Variants in GPM6B observed in about 807,000 individuals in gnomAD.
GPM6B encodes neuronal membrane glycoprotein M6-b.
GPM6B carries 4 observed loss-of-function variants against 27.2 expected under a neutral mutation model. The observed-to-expected ratio is 0.15, with a 90% CI of 0.07 to 0.34. GPM6B has a LOEUF of 0.34. GPM6B is among the 10% of genes least tolerant of loss of function. The pLI, the probability that GPM6B is intolerant of heterozygous loss-of-function variation, is 1.00. For synonymous variants in GPM6B, 124 were observed against 103.1 expected, an observed-to-expected ratio of 1.20 and a Z score of -1.23; for missense variants, 183 against 261.9, an observed-to-expected ratio of 0.70 and a Z score of 2.08.
In GPM6B at chrX:13,800,688, T is replaced by TTG. The variant is rs1288422853; in HGVS notation, c.181+6961_181+6962insCA. 1.8e-4 allele frequency among the ~76,000 whole-genome samples: 20 copies of TTG among 111,816 alleles called. No individual in the cohort carries two copies. The Admixed American group carries it at 1.9e-3, about 11-fold the overall frequency. ...ACACAGGCTGAACTGAAACGATACT[T>TTG]TACCAAAGATGTTATAATGAGGGGT... On this transcript the variant is annotated intron_variant, in intron 2 of 7. Transcript: ENST00000316715.
chrX:13,800,048 G>T (rs1288518457), intron 2 of GPM6B, among the ~76,000 whole-genome samples: 1 of 111,690 alleles, frequency 9.0e-6, no homozygotes, highest in African/African-American at 3.3e-5. Flanking sequence ...TCCCTGATTA[G>T]GTTTCAAAAA....
chrX:13,880,379 TA>T (rs1424157203), intron 1 of GPM6B, among the ~76,000 whole-genome samples: 1 of 111,308 alleles, frequency 9.0e-6, no homozygotes, highest in East Asian at 2.8e-4. Context: ...AGTGACCATT[TA>T]AAAAGGCAAA....
intron 5 of GPM6B, among the ~76,000 whole-genome samples, chrX:13,779,272 G>C (rs1250643465): frequency 1.0e-5 from 1 of 99,860 alleles, no homozygotes; most frequent in African/African-American, 4.0e-5. Flanking sequence ...TGTTTGAACT[G>C]GTTTCTAACA....
At chrX:13,800,546 G>A (rs984441809) in intron 2 of GPM6B, among the ~76,000 whole-genome samples, 9 of 112,256 alleles carry the variant, frequency 8.0e-5, no homozygotes, top group African/African-American at 2.3e-4. Context: ...TGGCAATAGC[G>A]AAACATTACT....
Position 13,790,590 on chromosome X carries a change from A to G in GPM6B, c.182-4782T>C, listed in dbSNP as rs145976860. ...TTTGAAGTGCCTGCTTTCATATTCG[A>G]TGGTGTGTGATGTTTTTTCTCTAAG... is the stretch of plus-strand genomic sequence containing the variant. On this transcript the variant is annotated intron_variant, in intron 2 of 7. Transcript: ENST00000316715. Among the ~76,000 whole-genome samples the G allele has an allele frequency of 6.6e-3, 734 of 111,323 alleles. 8 individuals carry two copies. Among genetic ancestry groups the G allele is most frequent in the African/African-American group, 0.023 (692 of 30,636 alleles).
In GPM6B at chrX:13,877,824, C is replaced by CAAAAAAAAAAA. The variant is rs761891419; in HGVS notation, c.-198+60492_-198+60502dup. On this transcript the variant is annotated intron_variant, in intron 1 of 6. Transcript: ENST00000398361. ...CCTGGGCATTAGAGCCAGACTCTGCCAAAAAAAAAAAAAAAAAAAAAAAAA... is the reference window on the plus strand; with the variant it reads ...CCTGGGCATTAGAGCCAGACTCTGCCAAAAAAAAAAAAAAAAAAAAAAAAAAAAAAAAAAAA... Among the ~76,000 whole-genome samples the CAAAAAAAAAAA allele has an allele frequency of 9.1e-3, 249 of 27,458 alleles. 46 individuals carry two copies. The highest frequency in any genetic ancestry group is 0.029 in the South Asian group (3 of 102). The allele number at this position is 27,458 out of a possible 115,157, so 23.8% of individuals were successfully genotyped here. A position where few individuals can be genotyped will look rare whatever the true frequency, so the allele number is the denominator to read the frequency against.
At chrX:13,809,503 C>T (rs925288482) in intron 1 of GPM6B, among the ~76,000 whole-genome samples, 4 of 111,243 alleles carry the variant, frequency 3.6e-5, no homozygotes, top group Admixed American at 1.9e-4. Flanking sequence ...GGGCTGGGTG[C>T]GGTGGCTCAC....
At chrX:13,844,363 G>A (rs935779065) in intron 1 of GPM6B, among the ~76,000 whole-genome samples, 4 of 112,111 alleles carry the variant, frequency 3.6e-5, no homozygotes, top group African/African-American at 1.3e-4. Flanking sequence ...TGTTGATTAT[G>A]TTATTAATAA....
intron 1 of GPM6B, among the ~76,000 whole-genome samples, chrX:13,902,568 C>T (rs938263286): frequency 1.8e-5 from 2 of 110,923 alleles, no homozygotes; most frequent in Admixed American, 1.9e-4. Flanking sequence ...CTCTGCTCCT[C>T]AGTCCAGCAC....
At chrX:13,802,787 A>G (rs1380591472) in intron 2 of GPM6B, among the ~76,000 whole-genome samples, 1 of 111,677 alleles carries the variant, frequency 9.0e-6, no homozygotes, top group Non-Finnish European at 1.9e-5. Flanking sequence ...GTAATCAGAA[A>G]TATCTTGAGT....
chrX:13,934,849 A>G (rs1191509711), intron 1 of GPM6B, among the ~76,000 whole-genome samples: 1 of 111,921 alleles, frequency 8.9e-6, no homozygotes, highest in Non-Finnish European at 1.9e-5. Context: ...ACAGCAAACT[A>G]GTGGGCAAGC....
chrX:13,821,085 A>T (rs1015676827), upstream of GPM6B, among the ~76,000 whole-genome samples: 1 of 111,338 alleles, frequency 9.0e-6, no homozygotes, highest in Non-Finnish European at 1.9e-5. Flanking sequence ...CAAATACCAT[A>T]AAAGGAGGAA....
intron 1 of GPM6B, among the ~76,000 whole-genome samples, chrX:13,935,091 T>C (rs1050418725): frequency 8.9e-6 from 1 of 112,154 alleles, no homozygotes; most frequent in African/African-American, 3.2e-5. Flanking sequence ...AGTGAAATTA[T>C]TGACATTTAA....
intron 1 of GPM6B, among the ~76,000 whole-genome samples, chrX:13,850,089 T>C (rs1432446406): frequency 2.7e-5 from 3 of 111,841 alleles, no homozygotes; most frequent in South Asian, 3.8e-4. Flanking sequence ...AACACTACTA[T>C]AGTTTGGATG....
At chrX:13,876,312 T>A (rs1044737944) in intron 1 of GPM6B, among the ~76,000 whole-genome samples, 2 of 112,297 alleles carry the variant, frequency 1.8e-5, no homozygotes, top group African/African-American at 6.5e-5. Context: ...ATAAGTGTAT[T>A]AATATGTCCA....
chrX:13,919,792 C>G (rs988999404), intron 1 of GPM6B, among the ~76,000 whole-genome samples: 1 of 111,131 alleles, frequency 9.0e-6, no homozygotes, highest in African/African-American at 3.3e-5. Context: ...AGAGAACACA[C>G]AGAAATCAAT....
At chrX:13,825,488 T>G (rs1201513390) in intron 1 of GPM6B, among the ~76,000 whole-genome samples, 1 of 111,982 alleles carries the variant, frequency 8.9e-6, no homozygotes, top group Non-Finnish European at 1.9e-5. Context: ...TTGGCAAAGA[T>G]CCAGGACAGG....
intron 1 of GPM6B, among the ~76,000 whole-genome samples, chrX:13,822,556 T>C (rs1308840221): frequency 9.2e-6 from 1 of 108,327 alleles, no homozygotes. Context: ...TTTGTATTTT[T>C]AGTAGAGGTG....
intron 1 of GPM6B, among the ~76,000 whole-genome samples, chrX:13,870,357 A>G: frequency 1.8e-5 from 2 of 112,557 alleles, no homozygotes; most frequent in Non-Finnish European, 3.8e-5. Context: ...GTCTGAAAAT[A>G]AAGATCATCT....
Sources: allele counts gnomAD v4.1 joint callset (sites outside exome capture counted in the v4.1 genomes callset), GRCh38; gene constraint gnomAD v4.1.1; transcripts MANE v1.5; gene names NCBI Gene and HGNC (gene_info 2026-07-23, HGNC 2026-07-21).